Variants in NAV2 observed in about 807,000 individuals in gnomAD.
NAV2 encodes the protein helicase, APC down-regulated 1.
Under a neutral mutation model 223.2 loss-of-function variants are expected in NAV2, and 54 were observed. The ratio of observed to expected loss-of-function variants is 0.24; its 90% confidence interval spans 0.19 to 0.30. NAV2 has a LOEUF of 0.30. Among genes scored for constraint, NAV2 ranks in the 10% least tolerant of loss-of-function variants. The pLI is 1.00. For synonymous variants in NAV2, 1,279 were observed against 1,239.3 expected, an observed-to-expected ratio of 1.03 and a Z score of -0.67; for missense variants, 2,806 against 3,147.5, an observed-to-expected ratio of 0.89 and a Z score of 2.60.
chr11:19,570,882 T>C (rs895682008), intron 1 of NAV2, among the ~76,000 whole-genome samples: 4 of 152,196 alleles, frequency 2.6e-5, no homozygotes, highest in African/African-American at 9.7e-5. Context: ...GTTGATGGTA[T>C]TTCAAAAAGT....
chr11:19,523,585 A>C (rs2043743170), intron 1 of NAV2, among the ~76,000 whole-genome samples: 1 of 152,148 alleles, frequency 6.6e-6, no homozygotes, highest in Admixed American at 6.5e-5. Context: ...TGACTAACTC[A>C]GTCTGGTGAC....
At chr11:19,650,533 C>G (rs1590037027) in intron 1 of NAV2, among the ~76,000 whole-genome samples, 1 of 152,178 alleles carries the variant, frequency 6.6e-6, no homozygotes, top group African/African-American at 2.4e-5. Context: ...AAAACTAAAA[C>G]ACCACCCACT....
At chr11:20,055,989 A>G (rs776682481) in intron 19 of NAV2, 32 bp downstream of exon 19, 13 of 1,588,924 alleles carry the variant, frequency 8.2e-6, no homozygotes, top group Non-Finnish European at 1.1e-5. Context: ...GTAAGGAAGG[A>G]AACTTCCATC....
At chr11:19,394,464 G>T (rs1187348771) in intron 1 of NAV2, among the ~76,000 whole-genome samples, 3 of 152,184 alleles carry the variant, frequency 2.0e-5, no homozygotes, top group Non-Finnish European at 4.4e-5. Flanking sequence ...GACTCTGGGC[G>T]CATAGTGGTC....
chr11:19,741,678 T>G (rs949506811), intron 1 of NAV2, among the ~76,000 whole-genome samples: 13 of 55,552 alleles, frequency 2.3e-4, no homozygotes, highest in African/African-American at 7.7e-4. Flanking sequence ...ATGTATCATG[T>G]GTGTGTGTGT....
At chr11:19,701,076 C>T (rs1013686306) in intron 1 of NAV2, among the ~76,000 whole-genome samples, 2 of 152,166 alleles carry the variant, frequency 1.3e-5, no homozygotes, top group African/African-American at 4.8e-5. Context: ...AGTGAGGGGA[C>T]CTTTGCCTCA....
intron 1 of NAV2, among the ~76,000 whole-genome samples, chr11:19,797,387 C>T (rs2057978906): frequency 6.6e-6 from 1 of 152,214 alleles, no homozygotes; most frequent in South Asian, 2.1e-4. Flanking sequence ...CTCCTCCCAT[C>T]CCCATATTGC....
intron 1 of NAV2, among the ~76,000 whole-genome samples, chr11:19,462,652 T>A (rs1329156070): frequency 6.6e-6 from 1 of 152,224 alleles, no homozygotes; most frequent in Non-Finnish European, 1.5e-5. Context: ...TCATAATATT[T>A]GGATGAGGAC....
chr11:19,832,930 C>T (rs1042443178), intron 2 of NAV2, among the ~76,000 whole-genome samples: 31 of 152,090 alleles, frequency 2.0e-4, no homozygotes, highest in African/African-American at 6.8e-4. Flanking sequence ...CTCATTTCCC[C>T]CTTTGGATGG....
intron 5 of NAV2, among the ~76,000 whole-genome samples, chr11:19,891,566 A>G (rs2153138820): frequency 6.6e-6 from 1 of 152,334 alleles, no homozygotes. Flanking sequence ...TTACAGGAAG[A>G]ATATATGATG....
intron 1 of NAV2, among the ~76,000 whole-genome samples, chr11:19,460,700 A>G (rs1852126749): frequency 6.6e-6 from 1 of 151,534 alleles, no homozygotes; most frequent in African/African-American, 2.4e-5. Flanking sequence ...CCTAATGTAA[A>G]TGGGTGCAGC....
chr11:19,843,758 TAAAA>T (rs34850023), intron 3 of NAV2, among the ~76,000 whole-genome samples: 4 of 135,280 alleles, frequency 3.0e-5, no homozygotes, highest in African/African-American at 2.8e-5. Context: ...TCCAGAAATC[TAAAA>T]AAAAAAAAAA....
intron 1 of NAV2, among the ~76,000 whole-genome samples, chr11:19,433,333 A>G (rs576798696): frequency 2.6e-4 from 40 of 152,276 alleles, no homozygotes; most frequent in Admixed American, 7.8e-4. Flanking sequence ...GCAGAACAGG[A>G]TGCTCTACCT....
intron 1 of NAV2, among the ~76,000 whole-genome samples, chr11:19,357,824 A>G (rs1853707482): frequency 6.6e-6 from 1 of 152,208 alleles, no homozygotes; most frequent in African/African-American, 2.4e-5. Flanking sequence ...ACGTTAAATT[A>G]CAATATACAG....
At position 19,879,969 on chromosome 11, in the gene NAV2, A is replaced by G; in HGVS notation, c.612A>G (p.Ser204=). 6.2e-7 allele frequency: 1 copy of G among 1,604,980 alleles called. No individual in the cohort carries two copies. Among genetic ancestry groups the G allele is most frequent in the Non-Finnish European group, 8.5e-7 (1 of 1,176,572 alleles). ...QQQPQKQHLS[S]PLPPAVSQVA... ...AGCCCCAGAAGCAGCACCTCTCCTC[A>G]CCTCTGCCGCCCGCCGTATCCCAGG... is the stretch of plus-strand genomic sequence containing the variant. Residue 204 remains serine (S), a synonymous_variant, in exon 5 of 38, where the codon TCA becomes TCG. Transcript: ENST00000349880.
At chr11:20,068,062 C>A in intron 20 of NAV2, 124 bp from the exon 21 acceptor site, 1 of 894,468 alleles carries the variant, frequency 1.1e-6, no homozygotes. Context: ...AGAAATACAC[C>A]AGAAAAGAAA....
rs1398591681 is a variant in NAV2, at chr11:19,933,596, C to T, written c.1352C>T (p.Thr451Ile). ...GAGGCCGCCAGTCGCATGCTCACCA[C>T]CGTGGGCCCTGCTTCCAGCAGCCCC... Reference protein sequence around the residue: ...ELEAASRMLTTVGPASSSPKI... With the variant: ...ELEAASRMLTIVGPASSSPKI... Residue 451 changes from threonine to isoleucine, a missense_variant, in exon 7 of 38, where the codon ACC becomes ATC. Physicochemically the swap from Thr to Ile is moderately conservative, Grantham distance 89. Around this residue, in one of 4 missense-constraint regions of NAV2, gnomAD observed 1,167 missense variants for 1,180.5 expected, o/e 0.99. Coordinates refer to ENST00000349880, the MANE Select transcript of NAV2 (RefSeq NM_145117.5). The surrounding 1 kb of genome is among the most constrained non-coding windows in gnomAD (Gnocchi z 4.3). 1.7e-5 allele frequency: 27 copies of T among 1,613,658 alleles called. No homozygotes were observed. The highest frequency in any genetic ancestry group is 2.3e-5 in the Non-Finnish European group (27 of 1,179,736).
In NAV2 at chr11:20,049,089, G is replaced by C; in HGVS notation, c.4264G>C (p.Gly1422Arg). Reference sequence around the variant, plus strand: ...CATCGACATCTCCCTCAGCAGTGGAGGGGTCCCCAGCCACAATTCTTCCAC... The same window carrying C: ...CATCGACATCTCCCTCAGCAGTGGACGGGTCCCCAGCCACAATTCTTCCAC... The part of the protein sequence containing the change: ...ESIDISLSSG[G>R]VPSHNSSTGL... The change falls in exon 15 of 38, where the codon GGG becomes CGG. Residue 1422 changes from glycine to arginine, a missense_variant. Gly to Arg is a moderately radical substitution (Grantham distance 125). Around this residue, in one of 4 missense-constraint regions of NAV2, gnomAD observed 742 missense variants for 777.9 expected, o/e 0.95. Coordinates refer to ENST00000349880, the MANE Select transcript of NAV2 (RefSeq NM_145117.5). The C allele has an allele frequency of 6.2e-7, 1 of 1,614,114 alleles. No individual in the cohort carries two copies. Among genetic ancestry groups the C allele is most frequent in the African/African-American group, 1.3e-5 (1 of 75,014 alleles).
intron 1 of NAV2, among the ~76,000 whole-genome samples, chr11:19,719,018 G>C (rs2050540389): frequency 6.6e-6 from 1 of 152,100 alleles, no homozygotes; most frequent in South Asian, 2.1e-4. Context: ...CTGTGACCAA[G>C]ATCTGAAGCA....
Sources: allele counts gnomAD v4.1 joint callset (sites outside exome capture counted in the v4.1 genomes callset), GRCh38; gene constraint gnomAD v4.1.1; regional missense constraint gnomAD v4.1.1; non-coding constraint Gnocchi (gnomAD v3.1); transcripts MANE v1.5; gene names NCBI Gene and HGNC (gene_info 2026-07-23, HGNC 2026-07-21).